Variants in FOXP2 observed in about 807,000 individuals in gnomAD.
FOXP2 encodes the protein forkhead box P2.
In FOXP2, 12 loss-of-function variants were observed where a neutral mutation model predicts 115.8. The observed-to-expected ratio is 0.10, with a 90% CI of 0.07 to 0.17. The LOEUF (loss-of-function observed/expected upper bound fraction) is 0.17. FOXP2 is among the 10% of genes least tolerant of loss of function. FOXP2 has a pLI of 1.00. For missense variants in FOXP2, 629 were observed against 843.5 expected, an observed-to-expected ratio of 0.75 and a Z score of 3.15; for synonymous variants, 328 against 297.7, an observed-to-expected ratio of 1.10 and a Z score of -1.05.
chr7:114,644,611 CCTGA>C, intron 7 of FOXP2, 70 bp from the exon 8 acceptor site: 1 of 1,271,482 alleles, frequency 7.9e-7, no homozygotes, highest in South Asian at 1.2e-5. Flanking sequence ...CTGATCGTAA[CCTGA>C]CAGGCGCTAG....
upstream of FOXP2, among the ~76,000 whole-genome samples, chr7:114,411,907 G>A (rs1793171688): frequency 1.3e-5 from 2 of 152,110 alleles, no homozygotes; most frequent in Admixed American, 1.3e-4. Flanking sequence ...CATGGAGCCA[G>A]TGCATGGCAC....
chr7:114,225,804 T>C (rs1027449444), intron 1 of FOXP2, among the ~76,000 whole-genome samples: 1 of 152,162 alleles, frequency 6.6e-6, no homozygotes. Flanking sequence ...TTTATCACAA[T>C]ACTTATATTA....
At chr7:114,509,283 T>C (rs1235517026) in intron 2 of FOXP2, among the ~76,000 whole-genome samples, 1 of 151,968 alleles carries the variant, frequency 6.6e-6, no homozygotes, top group Non-Finnish European at 1.5e-5. Flanking sequence ...TGTTTGTTTT[T>C]TGTTTTGTTT....
intron 2 of FOXP2, among the ~76,000 whole-genome samples, chr7:114,325,773 T>C (rs905663802): frequency 6.6e-6 from 1 of 152,072 alleles, no homozygotes; most frequent in African/African-American, 2.4e-5. Flanking sequence ...GGCTTCCATC[T>C]ATCTTTGATG....
intron 3 of FOXP2, among the ~76,000 whole-genome samples, chr7:114,568,968 A>G (rs1801157933): frequency 6.6e-6 from 1 of 151,946 alleles, no homozygotes; most frequent in South Asian, 2.1e-4. Context: ...TATTTAACAT[A>G]GGTGCTTGTG....
Position 114,691,810 on chromosome 7 carries a change from G to T in FOXP2, c.*1884G>T. On this transcript the variant is annotated 3_prime_UTR_variant, in exon 17 of 17. Transcript: ENST00000350908. Reference sequence around the variant, plus strand: ...AGCTCATCATTGATTCTTTGCTGAAGTCAGCAAATAGAGTTAGAGAGATAC... The same window carrying T: ...AGCTCATCATTGATTCTTTGCTGAATTCAGCAAATAGAGTTAGAGAGATAC... 2.2e-6 allele frequency: 1 copy of T among 452,976 alleles called. No homozygotes were observed. The highest frequency in any genetic ancestry group is 4.4e-6 in the Non-Finnish European group (1 of 226,408). The allele number at this position is 452,976 out of a possible 1,614,324, so 28.1% of individuals were successfully genotyped here. A position where few individuals can be genotyped will look rare whatever the true frequency, so the allele number is the denominator to read the frequency against.
intron 2 of FOXP2, among the ~76,000 whole-genome samples, chr7:114,396,445 G>C (rs1424377188): frequency 6.6e-6 from 1 of 152,050 alleles, no homozygotes; most frequent in African/African-American, 2.4e-5. Flanking sequence ...GAACAGTGCT[G>C]CAATAAACAT....
At chr7:114,551,671 A>G (rs1800213866) in intron 3 of FOXP2, among the ~76,000 whole-genome samples, 1 of 152,166 alleles carries the variant, frequency 6.6e-6, no homozygotes, top group Non-Finnish European at 1.5e-5. Flanking sequence ...GAGTATCACA[A>G]AAGGGTTACC....
At chr7:114,217,862 G>A (rs1162951102) in intron 1 of FOXP2, among the ~76,000 whole-genome samples, 1 of 152,178 alleles carries the variant, frequency 6.6e-6, no homozygotes, top group Non-Finnish European at 1.5e-5. Context: ...AGGTGATGGA[G>A]TAAACACAAA....
rs1284870355 is a variant in FOXP2 at position 114,313,488 on chromosome 7, G to C, written c.-11+25379G>C. ...CGGCCGGGCGCGGTGGCTCACGCCT[G>C]TAATCCCAGCACTTTGGGAGGCCGA... On this transcript the variant is annotated intron_variant, in intron 2 of 17. Transcript: ENST00000634411. 2.6e-4 allele frequency among the ~76,000 whole-genome samples: 14 copies of C among 53,886 alleles called. 4 individuals carry two copies. Among genetic ancestry groups the C allele is most frequent in the Non-Finnish European group, 4.6e-4 (14 of 30,586 alleles). The allele number at this position is 53,886 out of a possible 152,430, so 35.4% of individuals were successfully genotyped here.
chr7:114,278,079 A>G (rs1290534118), intron 1 of FOXP2, among the ~76,000 whole-genome samples: 1 of 151,062 alleles, frequency 6.6e-6, no homozygotes. Context: ...ATAAAGTAAG[A>G]TACTAGAATC....
At chr7:114,167,805 G>A (rs576562990) in intron 1 of FOXP2, among the ~76,000 whole-genome samples, 1 of 151,776 alleles carries the variant, frequency 6.6e-6, no homozygotes, top group Non-Finnish European at 1.5e-5. Flanking sequence ...GCCTGGTGGC[G>A]GGTGCCTGTA....
At chr7:114,552,220 A>G (rs921305787) in intron 3 of FOXP2, among the ~76,000 whole-genome samples, 1 of 152,196 alleles carries the variant, frequency 6.6e-6, no homozygotes, top group Non-Finnish European at 1.5e-5. Flanking sequence ...AAGCAAGAAC[A>G]TCTTTTAAAT....
Position 114,692,201 on chromosome 7 carries a change from G to A in FOXP2, c.*2275G>A. On this transcript the variant is annotated 3_prime_UTR_variant, in exon 17 of 17. Coordinates refer to ENST00000350908, the MANE Select transcript of FOXP2 (RefSeq NM_014491.4). Reference sequence around the variant, plus strand: ...TTCAAAAGGCTTTGAGGGACTGGAAGTAACTGCGAGAGTTGTACCATCAGA... The same window carrying A: ...TTCAAAAGGCTTTGAGGGACTGGAAATAACTGCGAGAGTTGTACCATCAGA... The A allele has an allele frequency of 4.4e-6, 2 of 453,974 alleles. No homozygotes were observed. Among genetic ancestry groups the A allele is most frequent in the South Asian group, 3.1e-5 (2 of 64,476 alleles). 28.1% of individuals were successfully genotyped at this position (453,974 alleles called of 1,614,324 possible).
chr7:114,228,246 AC>A (rs1479759598), intron 1 of FOXP2, among the ~76,000 whole-genome samples: 2 of 151,978 alleles, frequency 1.3e-5, no homozygotes, highest in Admixed American at 1.3e-4. Flanking sequence ...TGCTGGAAAG[AC>A]CTACTAGGAA....
At chr7:114,125,633 T>A (rs1006994156) in intron 1 of FOXP2, among the ~76,000 whole-genome samples, 1 of 152,124 alleles carries the variant, frequency 6.6e-6, no homozygotes. Flanking sequence ...TGATATCTGA[T>A]GTTGCTGTAG....
chr7:114,382,247 A>T (rs1381835379), intron 2 of FOXP2, among the ~76,000 whole-genome samples: 1 of 152,180 alleles, frequency 6.6e-6, no homozygotes, highest in African/African-American at 2.4e-5. Flanking sequence ...TCCAGGAGAC[A>T]GTTACCCTTC....
At chr7:114,316,544 G>A (rs1164495427) in intron 2 of FOXP2, among the ~76,000 whole-genome samples, 4 of 152,122 alleles carry the variant, frequency 2.6e-5, no homozygotes, top group African/African-American at 9.7e-5. Flanking sequence ...AATACAGACT[G>A]ACATTGATGG....
rs768728605 is a variant in FOXP2 at position 114,631,594 on chromosome 7, C to G, written c.664C>G (p.Leu222Val). The G allele has an allele frequency of 1.9e-6, 3 of 1,610,604 alleles. No individual in the cohort carries two copies. Among genetic ancestry groups the G allele is most frequent in the Non-Finnish European group, 2.5e-6 (3 of 1,178,380 alleles). Residue 222 changes from leucine to valine, a missense_variant, in exon 6 of 17, where the codon CTC becomes GTC. Leu to Val is a conservative substitution (Grantham distance 32). This residue lies in a region of FOXP2 where 138 missense variants were observed against 205.1 expected (regional missense o/e 0.67). Transcript: ENST00000350908. ...AQQLVFQQQL[L>V]QMQQLQQQQH... ...GCAGCTTGTCTTCCAGCAGCAGCTTCTCCAGATGCAACAACTCCAGCAGCA... is the reference window on the plus strand; with the variant it reads ...GCAGCTTGTCTTCCAGCAGCAGCTTGTCCAGATGCAACAACTCCAGCAGCA...
Sources: allele counts gnomAD v4.1 joint callset (sites outside exome capture counted in the v4.1 genomes callset), GRCh38; gene constraint gnomAD v4.1.1; regional missense constraint gnomAD v4.1.1; transcripts MANE v1.5; gene names NCBI Gene and HGNC (gene_info 2026-07-23, HGNC 2026-07-21).